Variants in TRMT11 observed in about 807,000 individuals in gnomAD.
The protein encoded by TRMT11 is tRNA methyltransferase 11.
Under a neutral mutation model 62.8 loss-of-function variants are expected in TRMT11, and 53 were observed. The observed-to-expected ratio is 0.84, with a 90% CI of 0.68 to 1.06. TRMT11 has a LOEUF of 1.06. TRMT11 is among the 50% of genes least tolerant of loss of function. TRMT11 has a pLI of 0.00. For synonymous variants in TRMT11, 188 were observed against 190.3 expected, an observed-to-expected ratio of 0.99 and a Z score of 0.10; for missense variants, 556 against 553.4, an observed-to-expected ratio of 1.00 and a Z score of -0.05.
At chr6:126,138,999 A>G (rs1777884185) in intron 21 of TRMT11, among the ~76,000 whole-genome samples, 1 of 152,048 alleles carries the variant, frequency 6.6e-6, no homozygotes, top group Non-Finnish European at 1.5e-5. Context: ...TCTCATAAAT[A>G]TTAACCTAGG....
At chr6:126,150,100 C>T (rs191607288) in intron 21 of TRMT11, among the ~76,000 whole-genome samples, 2 of 152,034 alleles carry the variant, frequency 1.3e-5, no homozygotes, top group African/African-American at 2.4e-5. Context: ...ATAGATTAGT[C>T]CATTCATGGA....
At chr6:126,003,211 T>C (rs1242010555) in intron 7 of TRMT11, among the ~76,000 whole-genome samples, 6 of 152,136 alleles carry the variant, frequency 3.9e-5, no homozygotes, top group Non-Finnish European at 7.4e-5. Context: ...GTGGCCCAGA[T>C]GGCTTTGAAT....
At chr6:126,190,469 T>G (rs1263274361) in intron 1 of TRMT11, among the ~76,000 whole-genome samples, 2 of 152,202 alleles carry the variant, frequency 1.3e-5, no homozygotes, top group African/African-American at 2.4e-5. Context: ...CCACCATGAC[T>G]GTAAGTTTCC....
At chr6:126,128,857 T>A (rs1222154811) in intron 21 of TRMT11, among the ~76,000 whole-genome samples, 3 of 151,962 alleles carry the variant, frequency 2.0e-5, no homozygotes, top group Non-Finnish European at 2.9e-5. Flanking sequence ...CTGATTACTC[T>A]GAACACGTAG....
chr6:126,238,432 A>G, the TRMT11 span, among the ~76,000 whole-genome samples: 1 of 152,158 alleles, frequency 6.6e-6, no homozygotes, highest in African/African-American at 2.4e-5. Flanking sequence ...GTTGGTTTCA[A>G]AGAACATCTT....
the TRMT11 span, among the ~76,000 whole-genome samples, chr6:126,210,044 G>A: frequency 1.3e-5 from 2 of 152,296 alleles, no homozygotes; most frequent in Admixed American, 6.5e-5. Context: ...CACATGCTGT[G>A]TATTTCTCTC....
intron 1 of TRMT11, among the ~76,000 whole-genome samples, chr6:126,180,925 C>A (rs913655300): frequency 6.6e-6 from 1 of 152,158 alleles, no homozygotes. Context: ...GCAGTAAAAT[C>A]TTTTGTTTGG....
chr6:126,152,485 G>T (rs1411585), intron 21 of TRMT11, among the ~76,000 whole-genome samples: 1,811 of 152,206 alleles, frequency 0.012, 19 homozygotes, highest in South Asian at 0.03. Flanking sequence ...GGAATCCAAG[G>T]ATTATTAGCA....
chr6:126,160,303 G>A (rs1778174377), intron 21 of TRMT11, among the ~76,000 whole-genome samples: 1 of 152,112 alleles, frequency 6.6e-6, no homozygotes, highest in Non-Finnish European at 1.5e-5. Flanking sequence ...CTATGACCAT[G>A]CTGTACTTCA....
At chr6:126,098,119 A>G (rs1440550336) in intron 17 of TRMT11, among the ~76,000 whole-genome samples, 1 of 152,062 alleles carries the variant, frequency 6.6e-6, no homozygotes, top group Non-Finnish European at 1.5e-5. Context: ...TGGAGAAAAA[A>G]TGCTTTCCTC....
intron 17 of TRMT11, among the ~76,000 whole-genome samples, chr6:126,055,596 G>A (rs1776349859): frequency 6.6e-6 from 1 of 152,192 alleles, no homozygotes; most frequent in Non-Finnish European, 1.5e-5. Context: ...TCAATACACT[G>A]TTCTCTGGAT....
At chr6:126,201,786 A>G (rs192051612) in intron 3 of TRMT11, among the ~76,000 whole-genome samples, 6 of 151,522 alleles carry the variant, frequency 4.0e-5, no homozygotes, top group Admixed American at 1.3e-4. Context: ...TTTCTCTAAT[A>G]TTTATTTTTC....
intron 17 of TRMT11, among the ~76,000 whole-genome samples, chr6:126,070,575 C>G (rs1349405467): frequency 6.6e-6 from 1 of 152,158 alleles, no homozygotes; most frequent in African/African-American, 2.4e-5. Flanking sequence ...GTGGTTTTCT[C>G]TCCTTCCCTC....
intron 6 of TRMT11, 96 bp from the exon 7 acceptor site, chr6:125,999,361 A>C (rs1792105370): frequency 1.1e-6 from 1 of 896,440 alleles, no homozygotes; most frequent in African/African-American, 1.7e-5. Context: ...AGTGGAAAGA[A>C]GTTCTTATCA....
chr6:126,238,062 C>T, the TRMT11 span, among the ~76,000 whole-genome samples: 1 of 152,114 alleles, frequency 6.6e-6, no homozygotes, highest in East Asian at 1.9e-4. Context: ...GTGATATCCC[C>T]TTTATCATTT....
At chr6:126,086,012 A>G (rs1335054131) in intron 17 of TRMT11, among the ~76,000 whole-genome samples, 1 of 152,102 alleles carries the variant, frequency 6.6e-6, no homozygotes, top group Non-Finnish European at 1.5e-5. Context: ...AACAAAACAC[A>G]AAACAAATGA....
intron 17 of TRMT11, among the ~76,000 whole-genome samples, chr6:126,078,050 T>G (rs1399750545): frequency 6.6e-6 from 1 of 152,202 alleles, no homozygotes; most frequent in East Asian, 1.9e-4. Flanking sequence ...AAACAGGGTT[T>G]GTATTCTACT....
chr6:126,178,157 A>G (rs1225202273), intron 1 of TRMT11, among the ~76,000 whole-genome samples: 2 of 152,182 alleles, frequency 1.3e-5, no homozygotes, highest in Non-Finnish European at 1.5e-5. Flanking sequence ...AAATTTATTT[A>G]TTATAGTTTC....
intron 17 of TRMT11, among the ~76,000 whole-genome samples, chr6:126,107,181 A>T (rs1379679672): frequency 6.6e-6 from 1 of 152,182 alleles, no homozygotes; most frequent in Non-Finnish European, 1.5e-5. Context: ...TAGAAAAAAA[A>T]TGAGAATATA....
Sources: allele counts gnomAD v4.1 joint callset (sites outside exome capture counted in the v4.1 genomes callset), GRCh38; gene constraint gnomAD v4.1.1; transcripts MANE v1.5; gene names NCBI Gene and HGNC (gene_info 2026-07-23, HGNC 2026-07-21).